Variants in RHNO1 observed in about 807,000 individuals in gnomAD.
The protein encoded by RHNO1 is RAD9-HUS1-RAD1 interacting nuclear orphan 1, also known as RAD9, HUS1, RAD1-interacting nuclear orphan protein 1.
Under a neutral mutation model 7.2 loss-of-function variants are expected in RHNO1, and 9 were observed. The observed-to-expected ratio is 1.25, with a 90% CI of 0.75 to 2.18. The LOEUF is 2.18. Among genes scored for constraint, RHNO1 ranks in the 30% most tolerant of loss-of-function variants. RHNO1 has a pLI of 0.00. For synonymous variants in RHNO1, 95 were observed against 107.5 expected (o/e 0.88, Z 0.72); for missense variants, 292 against 284.5 (o/e 1.03, Z -0.19).
chr12:2,883,075 A>AAAAAAAAAAAAAAC (rs1555108313), intron 1 of RHNO1, among the ~76,000 whole-genome samples: 1 of 134,486 alleles, frequency 7.4e-6, no homozygotes, highest in Non-Finnish European at 1.5e-5. Flanking sequence ...TCAAAAAAAA[A>AAAAAAAAAAAAAAC]AAAAAAAAAA....
chr12:2,888,017 C>T lies in RHNO1; in HGVS notation c.275C>T (p.Pro92Leu). ...CGAAAACCTACCACCTCCAAGTTTCCACATCTAACTTTTGAGAGTCCGCAA... is the reference window on the plus strand; with the variant it reads ...CGAAAACCTACCACCTCCAAGTTTCTACATCTAACTTTTGAGAGTCCGCAA... Reference protein sequence around the residue: ...SSRKPTTSKFPHLTFESPQSS... With the variant: ...SSRKPTTSKFLHLTFESPQSS... Residue 92 changes from proline (P) to leucine (L), a missense_variant, in exon 3 of 3, where the codon CCA (proline) becomes CTA (leucine). Transcript: ENST00000489288. The T allele has an allele frequency of 6.2e-7, 1 of 1,614,012 alleles. No individual in the cohort carries two copies. The highest frequency in any genetic ancestry group is 1.1e-5 in the South Asian group (1 of 91,080).
intron 2 of RHNO1, among the ~76,000 whole-genome samples, chr12:2,886,670 A>G (rs2098165960): frequency 6.6e-6 from 1 of 151,754 alleles, no homozygotes; most frequent in South Asian, 2.1e-4. Flanking sequence ...AAAAAAAAAA[A>G]AAAAAAATAG....
At chr12:2,881,774 G>A (rs749463441) in intron 1 of RHNO1, among the ~76,000 whole-genome samples, 9 of 151,500 alleles carry the variant, frequency 5.9e-5, no homozygotes, top group African/African-American at 7.3e-5. Context: ...GCATGGTGGC[G>A]TGCGCCTGTA....
chr12:2,878,253 T>G (rs1379769631), intron 1 of RHNO1: 1 of 152,164 alleles, frequency 6.6e-6, no homozygotes, highest in Non-Finnish European at 1.5e-5. Flanking sequence ...AATAACGAGA[T>G]CTTGAGAGGT....
upstream of RHNO1, among the ~76,000 whole-genome samples, chr12:2,876,760 G>GA (rs1396504914): frequency 6.6e-6 from 1 of 152,200 alleles, no homozygotes; most frequent in Non-Finnish European, 1.5e-5. Context: ...GGTGGACGCA[G>GA]AAAAAACTTG....
rs1352601880 is a variant in RHNO1, at chr12:2,883,074, A to AAAAAAAAAACAAC, written c.-84-2200_-84-2199insCAACAAAAAAAAA. ...AGAGCAAGGCCCTGTCTCAAAAAAA[A>AAAAAAAAAACAAC]AAAAAAAAAAACACATAGAAAACCT... On this transcript the variant is annotated intron_variant, in intron 1 of 2. Transcript: ENST00000489288. Among the ~76,000 whole-genome samples, 1,351 of 144,960 alleles carry AAAAAAAAAACAAC rather than the reference A, an allele frequency of 9.3e-3. 28 individuals are homozygous for AAAAAAAAAACAAC. The highest frequency in any genetic ancestry group is 0.033 in the African/African-American group (1,280 of 38,420).
Position 2,885,513 on chromosome 12 carries a change from C to CCA in RHNO1, c.150_151dup (p.Ser51ThrfsTer45), listed in dbSNP as rs2098164329. 6.2e-7 allele frequency: 1 copy of CCA among 1,612,872 alleles called. No homozygotes were observed. Among genetic ancestry groups the CCA allele is most frequent in the Non-Finnish European group, 8.5e-7 (1 of 1,179,536 alleles). On this transcript the variant is annotated frameshift_variant, in exon 2 of 3. Coordinates refer to ENST00000489288, the MANE Select transcript of RHNO1 (RefSeq NM_001252499.3). LOFTEE classifies it low-confidence loss of function (END_TRUNC). ...GACAGGTGCCCAGCAAGCCCATTGA[C>CCA]CACAGCACCATCACTTCCTGGGTAG...
chr12:2,885,581 T>C lies in RHNO1; in HGVS notation c.168+47T>C, dbSNP rs779971748. 2.7e-6 allele frequency: 4 copies of C among 1,468,698 alleles called. No homozygotes were observed. In the East Asian group the frequency reaches 7.1e-5, roughly 26 times the overall value. 91.0% of individuals were successfully genotyped at this position (1,468,698 alleles called of 1,614,324 possible). On this transcript the variant is annotated intron_variant, in intron 2 of 2. Transcript: ENST00000489288. ...TTGACATTTTTTTTTTTTTTTTTTT[T>C]TTTTTTTTTTTGAGACGGAGTCTCG...
rs1343595981 is a variant in RHNO1 at position 2,885,316 on chromosome 12, C to T, written c.-51C>T. The T allele has an allele frequency of 1.4e-5, 22 of 1,541,748 alleles. No individual in the cohort carries two copies. Among genetic ancestry groups the T allele is most frequent in the East Asian group, 2.3e-5 (1 of 43,594 alleles). ...TGGAATTGGAGCCTATCCCCCAACC[C>T]GAAGGCTAACAGCATCATGTGGTTA... On this transcript the variant is annotated 5_prime_UTR_variant, in exon 2 of 3. Coordinates refer to ENST00000489288, the MANE Select transcript of RHNO1 (RefSeq NM_001252499.3).
intron 1 of RHNO1, among the ~76,000 whole-genome samples, chr12:2,883,607 TC>T (rs1472353521): frequency 7.7e-5 from 11 of 143,366 alleles, no homozygotes; most frequent in African/African-American, 2.8e-4. Context: ...AACCTCCGCC[TC>T]CCGGGTTCAA....
chr12:2,880,451 T>C (rs2098156007), intron 1 of RHNO1, among the ~76,000 whole-genome samples: 1 of 151,656 alleles, frequency 6.6e-6, no homozygotes, highest in Admixed American at 6.6e-5. Context: ...ACCCCATCTC[T>C]ACTAAAAAAT....
In RHNO1 at chr12:2,885,505, C is replaced by G. The variant is rs771539166; in HGVS notation, c.139C>G (p.Pro47Ala). ...ITHTRQVPSKPIDHSTITSWV... is the reference protein window; with the variant it reads ...ITHTRQVPSKAIDHSTITSWV... ...TCACACTCGACAGGTGCCCAGCAAG[C>G]CCATTGACCACAGCACCATCACTTC... Residue 47 changes from proline to alanine, a missense_variant, in exon 2 of 3, where the codon CCC becomes GCC. Physicochemically the swap from Pro to Ala is conservative, Grantham distance 27. Transcript: ENST00000489288. 1.1e-5 allele frequency: 18 copies of G among 1,613,486 alleles called. No individual in the cohort carries two copies. In the Admixed American group the frequency reaches 2.8e-4, roughly 25 times the overall value.
At position 2,885,470 on chromosome 12, in the gene RHNO1, T is replaced by G; in HGVS notation, c.104T>G (p.Leu35Arg). 6.2e-7 allele frequency: 1 copy of G among 1,613,316 alleles called. No individual in the cohort carries two copies. Among genetic ancestry groups the G allele is most frequent in the South Asian group, 1.1e-5 (1 of 91,048 alleles). The change falls in exon 2 of 3, where the codon CTT becomes CGT. Residue 35 changes from leucine (L) to arginine (R), a missense_variant. Coordinates refer to ENST00000489288, the MANE Select transcript of RHNO1 (RefSeq NM_001252499.3). ...GPKHSCASTQ[L>R]PITHTRQVPS... ...AAACACAGCTGTGCATCTACACAGC[T>G]TCCCATCACTCACACTCGACAGGTG...
intron 2 of RHNO1, among the ~76,000 whole-genome samples, chr12:2,886,516 G>T (rs906503124): frequency 2.6e-5 from 4 of 151,982 alleles, no homozygotes; most frequent in Non-Finnish European, 5.9e-5. Flanking sequence ...AATTAGCTGG[G>T]CATGGTGGTG....
At chr12:2,886,024 G>C (rs1472040115) in intron 2 of RHNO1, 2 of 152,856 alleles carry the variant, frequency 1.3e-5, no homozygotes, top group East Asian at 3.8e-4. Flanking sequence ...GGGGGCGGGG[G>C]CAAGGAGTTA....
rs1295992066 is a variant in RHNO1 at position 2,887,919 on chromosome 12, TGA to T, written c.178_179del (p.Asp60PhefsTer2). ...HSTITSWVSP[D>X]FDTAAGSLFP... ...TTTTTTTTTTTTTTAAGGTATCACC[TGA>T]TTTTGATACAGCAGCAGGAAGCTTG... On this transcript the variant is annotated frameshift_variant, in exon 3 of 3. Coordinates refer to ENST00000489288, the MANE Select transcript of RHNO1 (RefSeq NM_001252499.3). LOFTEE classifies it low-confidence loss of function (END_TRUNC). The T allele has an allele frequency of 6.3e-7, 1 of 1,576,296 alleles. No individual in the cohort carries two copies. The highest frequency in any genetic ancestry group is 1.2e-5 in the South Asian group (1 of 85,344).
intron 1 of RHNO1, 24 bp from the exon 2 acceptor site, chr12:2,885,259 C>T: frequency 1.0e-6 from 1 of 975,538 alleles, no homozygotes; most frequent in Non-Finnish European, 1.5e-6. Context: ...TTATTTGCTC[C>T]CAGCTTTTGT....
chr12:2,876,800 C>G (rs1249837168), upstream of RHNO1: 1 of 152,450 alleles, frequency 6.6e-6, no homozygotes, highest in East Asian at 1.9e-4. Context: ...CCCGTGTGAC[C>G]CAAATCTCCA....
chr12:2,880,636 A>G (rs533748896), intron 1 of RHNO1, among the ~76,000 whole-genome samples: 2 of 150,738 alleles, frequency 1.3e-5, no homozygotes, highest in Admixed American at 1.3e-4. Flanking sequence ...CAAAATTTCC[A>G]CTTTATTTAT....
Sources: gnomAD v4.1 joint callset for allele counts (sites outside exome capture counted in the v4.1 genomes callset) on GRCh38, gnomAD v4.1.1 for gene constraint, MANE v1.5 for transcripts, NCBI Gene and HGNC (gene_info 2026-07-23, HGNC 2026-07-21) for gene names.